LIPA: variants seen among roughly 807,000 people sequenced by gnomAD.
LIPA encodes lipase A, lysosomal acid type.
LIPA carries 26 observed loss-of-function variants against 40.6 expected under a neutral mutation model. The ratio of observed to expected loss-of-function variants is 0.64; its 90% CI spans 0.47 to 0.89. The LOEUF is 0.89. Ranked by LOEUF, LIPA falls within the 40% of genes least tolerant of loss-of-function variation. The probability of loss-of-function intolerance (pLI) is 0.00; values close to 1 mark genes in which losing one functional copy is unlikely to be tolerated. For missense variants in LIPA, 455 were observed against 479.6 expected, an observed-to-expected ratio of 0.95 and a Z score of 0.48; for synonymous variants, 188 against 168.4, an observed-to-expected ratio of 1.12 and a Z score of -0.90.
At chr10:89,413,160 C>T (rs190854087) in intron 1 of LIPA, among the ~76,000 whole-genome samples, 1 of 152,186 alleles carries the variant, frequency 6.6e-6, no homozygotes, top group Non-Finnish European at 1.5e-5. Context: ...GAAATACTTG[C>T]TCTGTATTTA....
intron 2 of LIPA, among the ~76,000 whole-genome samples, chr10:89,350,430 C>T (rs889863647): frequency 6.6e-6 from 1 of 151,666 alleles, no homozygotes; most frequent in Non-Finnish European, 1.5e-5. Flanking sequence ...CTCAGCCTCC[C>T]GAGTAGCTGA....
At chr10:89,369,935 T>C (rs1017525420) in intron 2 of LIPA, among the ~76,000 whole-genome samples, 1 of 152,228 alleles carries the variant, frequency 6.6e-6, no homozygotes, top group Admixed American at 6.5e-5. Flanking sequence ...TAATGAACTA[T>C]ATTAAAGCTA....
In LIPA at chr10:89,214,944, T is replaced by C; in HGVS notation, c.1084A>G (p.Asn362Asp). ...DVNILLTQIT[N>D]LVFHESIPEW... Reference sequence around the variant, plus strand: ...GGAATGCTCTCATGGAACACCAAGTTGGTGATCTGAGTCAGTAAGATATTG... The same window carrying C: ...GGAATGCTCTCATGGAACACCAAGTCGGTGATCTGAGTCAGTAAGATATTG... The change falls in exon 10 of 10, where the codon AAC becomes GAC. Residue 362 changes from asparagine to aspartate, a missense_variant. Physicochemically the swap from Asn to Asp is conservative, Grantham distance 23 (BLOSUM62 1). Transcript: ENST00000336233. The C allele has an allele frequency of 3.7e-6, 6 of 1,614,138 alleles. No homozygotes were observed. Among genetic ancestry groups the C allele is most frequent in the Non-Finnish European group, 5.1e-6 (6 of 1,179,990 alleles).
In LIPA at chr10:89,257,521, C is replaced by A. The variant is rs115888810; in HGVS notation, c.-1-9872G>T. Among the ~76,000 whole-genome samples, 258 of 152,280 alleles carry A rather than the reference C, an allele frequency of 1.7e-3. 1 individual carries two copies. Among genetic ancestry groups the A allele is most frequent in the African/African-American group, 6.1e-3 (253 of 41,544 alleles). ...ACCTGGTTTACTCTCCTACTTTAAACAGCTAAGTTGGAAAAAGTATGAAAC... is the reference window on the plus strand; with the variant it reads ...ACCTGGTTTACTCTCCTACTTTAAAAAGCTAAGTTGGAAAAAGTATGAAAC... On this transcript the variant is annotated intron_variant, in intron 1 of 5. Transcript: ENST00000282673.
chr10:89,363,693 C>T (rs533786102), intron 2 of LIPA, among the ~76,000 whole-genome samples: 6 of 139,294 alleles, frequency 4.3e-5, no homozygotes, highest in South Asian at 2.4e-4. Context: ...AGGAGAATGG[C>T]GTGAACCCGA....
At chr10:89,303,805 G>A (rs1406969193) in intron 1 of LIPA, among the ~76,000 whole-genome samples, 2 of 152,176 alleles carry the variant, frequency 1.3e-5, no homozygotes, top group Non-Finnish European at 2.9e-5. Flanking sequence ...CTGGAAGTTG[G>A]AAATAGAATT....
At chr10:89,291,313 T>C (rs944325159) in intron 1 of LIPA, among the ~76,000 whole-genome samples, 31 of 152,140 alleles carry the variant, frequency 2.0e-4, no homozygotes, top group Non-Finnish European at 4.4e-5. Context: ...ATCATTTAAA[T>C]AGTCAACGTG....
intron 1 of LIPA, among the ~76,000 whole-genome samples, chr10:89,310,841 A>AT (rs1275335412): frequency 2.6e-5 from 4 of 152,230 alleles, no homozygotes; most frequent in Non-Finnish European, 4.4e-5. Flanking sequence ...CCAAACAGGT[A>AT]AACGATACAA....
chr10:89,257,483 T>A (rs1429514611), intron 1 of LIPA, among the ~76,000 whole-genome samples: 12 of 152,208 alleles, frequency 7.9e-5, no homozygotes, highest in Non-Finnish European at 1.2e-4. Context: ...CCAGCAAAGA[T>A]AGAGTAACAA....
chr10:89,315,149 T>C (rs891031749), intron 1 of LIPA, among the ~76,000 whole-genome samples: 5 of 152,200 alleles, frequency 3.3e-5, no homozygotes, highest in Non-Finnish European at 5.9e-5. Context: ...ATTTTACATG[T>C]TTGTATCTGT....
At chr10:89,383,098 A>C (rs1167476956) in intron 2 of LIPA, among the ~76,000 whole-genome samples, 3 of 152,196 alleles carry the variant, frequency 2.0e-5, no homozygotes, top group Admixed American at 2.0e-4. Flanking sequence ...GACTTCATGT[A>C]ACCTATCTGT....
chr10:89,390,105 G>A (rs1285487624), intron 2 of LIPA, among the ~76,000 whole-genome samples: 1 of 148,672 alleles, frequency 6.7e-6, no homozygotes, highest in Non-Finnish European at 1.5e-5. Context: ...TCCTGCCTCA[G>A]CCTCCCGAGT....
intron 2 of LIPA, among the ~76,000 whole-genome samples, chr10:89,366,709 AC>A (rs1405615088): frequency 1.3e-5 from 2 of 152,320 alleles, no homozygotes; most frequent in East Asian, 3.9e-4. Context: ...AAATAGGAAC[AC>A]TTTTACACTG....
intron 3 of LIPA, among the ~76,000 whole-genome samples, chr10:89,235,033 G>A (rs1842887781): frequency 6.6e-6 from 1 of 152,258 alleles, no homozygotes; most frequent in Non-Finnish European, 1.5e-5. Flanking sequence ...GGGAAAGAAG[G>A]TTAACAAGAG....
intron 1 of LIPA, among the ~76,000 whole-genome samples, chr10:89,263,149 T>G (rs1395781841): frequency 6.6e-6 from 1 of 152,206 alleles, no homozygotes; most frequent in African/African-American, 2.4e-5. Context: ...CTAATTGCCC[T>G]TCACCGCCTC....
At chr10:89,256,482 A>C (rs184946630), upstream of LIPA, among the ~76,000 whole-genome samples, 33 of 152,344 alleles carry the variant, frequency 2.2e-4, no homozygotes, top group African/African-American at 7.5e-4. Context: ...CTTGACATGA[A>C]CTGAAGAAAG....
chr10:89,332,525 C>T, intron 1 of LIPA: 1 of 1,611,124 alleles, frequency 6.2e-7, no homozygotes, highest in Non-Finnish European at 8.5e-7. Flanking sequence ...TAACAGCACC[C>T]TGGGTGGAAA....
intron 5 of LIPA, 91 bp from the exon 6 acceptor site, chr10:89,225,319 G>T (rs1053763848): frequency 4.2e-6 from 5 of 1,183,642 alleles, no homozygotes; most frequent in South Asian, 1.4e-5. Flanking sequence ...ACGCCCTCTC[G>T]CGGAGGCCTG....
chr10:89,238,043 A>T (rs1842926630), intron 3 of LIPA, among the ~76,000 whole-genome samples: 1 of 152,270 alleles, frequency 6.6e-6, no homozygotes, highest in Non-Finnish European at 1.5e-5. Context: ...TGTGAAAGTT[A>T]TCAAGCCTGA....
Sources: allele counts gnomAD v4.1 joint callset (sites outside exome capture counted in the v4.1 genomes callset), GRCh38; gene constraint gnomAD v4.1.1; transcripts MANE v1.5; gene names NCBI Gene and HGNC (gene_info 2026-07-23, HGNC 2026-07-21).